Variants in LNPK observed in about 807,000 individuals in gnomAD.
LNPK encodes the protein lunapark, ER junction formation factor, also known as endoplasmic reticulum junction formation protein lunapark.
In LNPK, 29 loss-of-function variants were observed where a neutral mutation model predicts 55.2. The observed-to-expected ratio is 0.53, with a 90% CI of 0.39 to 0.72. The LOEUF is 0.72. LNPK is among the 30% of genes least tolerant of loss of function. The pLI, the probability that LNPK is intolerant of heterozygous loss-of-function variation, is 0.00. For synonymous variants in LNPK, 162 were observed against 168.2 expected, an observed-to-expected ratio of 0.96 and a Z score of 0.29; for missense variants, 467 against 494.8, an observed-to-expected ratio of 0.94 and a Z score of 0.53.
intron 6 of LNPK, among the ~76,000 whole-genome samples, chr2:175,969,024 A>G (rs1191733329): frequency 6.6e-6 from 1 of 152,132 alleles, no homozygotes; most frequent in East Asian, 1.9e-4. Flanking sequence ...ATCTCAAAAA[A>G]AGAAAAAAAA....
At chr2:175,937,277 A>C in intron 12 of LNPK, 67 bp downstream of exon 12, 3 of 1,447,484 alleles carry the variant, frequency 2.1e-6, no homozygotes, top group Non-Finnish European at 1.9e-6. Context: ...ATCTAAAAGC[A>C]TTATGCTTTT....
chr2:175,992,172 T>C (rs1687733427), intron 4 of LNPK, 59 bp downstream of exon 4: 1 of 1,045,318 alleles, frequency 9.6e-7, no homozygotes, highest in Non-Finnish European at 1.4e-6. Context: ...ATATTAGATA[T>C]ACATTAAGAC....
At chr2:175,984,053 G>A (rs1687296700) in intron 4 of LNPK, among the ~76,000 whole-genome samples, 1 of 151,900 alleles carries the variant, frequency 6.6e-6, no homozygotes, top group Non-Finnish European at 1.5e-5. Flanking sequence ...GGGAAAAACT[G>A]ATAACTTGAA....
chr2:175,991,407 C>T (rs1258427157), intron 4 of LNPK, among the ~76,000 whole-genome samples: 1 of 152,184 alleles, frequency 6.6e-6, no homozygotes, highest in Non-Finnish European at 1.5e-5. Flanking sequence ...CACTCAATTT[C>T]AGCTCTTGTA....
intron 5 of LNPK, among the ~76,000 whole-genome samples, chr2:175,973,180 G>A (rs1265790970): frequency 6.6e-6 from 1 of 152,190 alleles, no homozygotes; most frequent in East Asian, 1.9e-4. Context: ...CAAGGCTGTA[G>A]CAAAAGCTAA....
intron 4 of LNPK, among the ~76,000 whole-genome samples, chr2:175,990,275 T>G (rs1377198751): frequency 6.6e-6 from 1 of 152,144 alleles, no homozygotes. Context: ...TTGCCCTCTA[T>G]TAGTTCCTGA....
At chr2:175,940,670 A>G (rs951140665) in intron 9 of LNPK, among the ~76,000 whole-genome samples, 1 of 152,200 alleles carries the variant, frequency 6.6e-6, no homozygotes, top group South Asian at 2.1e-4. Context: ...TATCACTGAT[A>G]AGAAAAATCA....
chr2:175,939,655 G>T lies in LNPK; in HGVS notation c.709C>A (p.Leu237Ile). 1 of 1,477,170 alleles carries T rather than the reference G, an allele frequency of 6.8e-7. No homozygotes were observed. Among genetic ancestry groups the T allele is most frequent in the Non-Finnish European group, 9.3e-7 (1 of 1,073,484 alleles). 91.5% of individuals were successfully genotyped at this position (1,477,170 alleles called of 1,614,324 possible). ...SPATSVPGMG[L>I]HPPGPPLARP... ...GCTAAAGGTGGACCTGGAGGATGAA[G>T]ACCTATTAAATAAATAAATACATAC... Residue 237 changes from leucine to isoleucine, a missense_variant and splice_region_variant, in exon 10 of 13, where the codon CTT (leucine) becomes ATT (isoleucine). Coordinates refer to ENST00000272748, the MANE Select transcript of LNPK (RefSeq NM_030650.3).
Position 175,967,497 on chromosome 2 carries a change from C to T in LNPK, c.358-2908G>A, listed in dbSNP as rs1686428962. 4 of 228,912 alleles carry T rather than the reference C, an allele frequency of 1.7e-5. No homozygotes were observed. The South Asian group carries it at 6.3e-4, about 36-fold the overall frequency. 14.2% of individuals were successfully genotyped at this position (228,912 alleles called of 1,614,324 possible). A position where few individuals can be genotyped will look rare whatever the true frequency, so the allele number is the denominator to read the frequency against. On this transcript the variant is annotated intron_variant, in intron 6 of 12. Transcript: ENST00000272748. ...TCTTGAAACAGAATTTTAAAACGCA[C>T]AAAGCATTAATTTCCCTAACCAATA...
chr2:175,938,055 T>C (rs568439806), intron 11 of LNPK, among the ~76,000 whole-genome samples: 1 of 152,286 alleles, frequency 6.6e-6, no homozygotes, highest in South Asian at 2.1e-4. Flanking sequence ...GTCCTGGGTA[T>C]CATAATTATT....
chr2:175,993,285 T>C, intron 2 of LNPK, 62 bp from the exon 3 acceptor site: 1 of 977,980 alleles, frequency 1.0e-6, no homozygotes, highest in Non-Finnish European at 1.5e-6. Flanking sequence ...TACATTTTGA[T>C]ATAATCATTA....
Position 175,923,978 on chromosome 2 carries a change from G to A in LNPK, c.*5989C>T, listed in dbSNP as rs972328344. 4.6e-5 allele frequency: 7 copies of A among 152,100 alleles called. No homozygotes were observed. Among genetic ancestry groups the A allele is most frequent in the Non-Finnish European group, 8.8e-5 (6 of 67,992 alleles). 9.4% of individuals were successfully genotyped at this position (152,100 alleles called of 1,614,324 possible). The stretch of plus-strand genomic sequence containing the variant: ...ATTTATCTGTCTACATTCAGAGCCT[G>A]AATATATTTACTTATTGACCAGTAG... On this transcript the variant is annotated 3_prime_UTR_variant, in exon 13 of 13. Coordinates refer to ENST00000272748, the MANE Select transcript of LNPK (RefSeq NM_030650.3).
chr2:175,958,915 C>T (rs762393304), intron 8 of LNPK, among the ~76,000 whole-genome samples: 1 of 152,096 alleles, frequency 6.6e-6, no homozygotes, highest in Non-Finnish European at 1.5e-5. Context: ...ACGAGAACTA[C>T]GTGATGCATG....
At chr2:175,947,756 C>A in intron 8 of LNPK, 64 bp from the exon 9 acceptor site, 1 of 1,150,998 alleles carries the variant, frequency 8.7e-7, no homozygotes, top group Non-Finnish European at 1.2e-6. Context: ...GTATCACAAA[C>A]AATTTATATT....
Position 175,926,870 on chromosome 2 carries a change from A to C in LNPK, c.*3097T>G, listed in dbSNP as rs1684030948. 6.6e-6 allele frequency: 1 copy of C among 152,238 alleles called. No individual in the cohort carries two copies. The highest frequency in any genetic ancestry group is 1.5e-5 in the Non-Finnish European group (1 of 68,042). 9.4% of individuals were successfully genotyped at this position (152,238 alleles called of 1,614,324 possible). On this transcript the variant is annotated 3_prime_UTR_variant, in exon 13 of 13. Coordinates refer to ENST00000272748, the MANE Select transcript of LNPK (RefSeq NM_030650.3). ...AACATAAACGGTTTGAATGTTCTGAAGGTTTGAAGCAAAGTATAGTGTTCA... is the reference window on the plus strand; with the variant it reads ...AACATAAACGGTTTGAATGTTCTGACGGTTTGAAGCAAAGTATAGTGTTCA...
intron 4 of LNPK, among the ~76,000 whole-genome samples, chr2:175,986,979 AAAAC>A (rs1289455140): frequency 6.6e-6 from 1 of 152,058 alleles, no homozygotes; most frequent in East Asian, 1.9e-4. Flanking sequence ...AGAAAAAAAA[AAAAC>A]AAACGAAAAA....
chr2:175,986,641 CAATATTT>C (rs1687427937), intron 4 of LNPK, among the ~76,000 whole-genome samples: 1 of 151,792 alleles, frequency 6.6e-6, no homozygotes, highest in Non-Finnish European at 1.5e-5. Flanking sequence ...AAGAATGATT[CAATATTT>C]AATATAATCC....
chr2:175,930,031 G>A lies in LNPK; in HGVS notation c.1223C>T (p.Thr408Ile). Residue 408 changes from threonine (T) to isoleucine (I), a missense_variant, in exon 13 of 13, where the codon ACA becomes ATA. By Grantham distance (89) the Thr-to-Ile change is moderately conservative. Transcript: ENST00000272748. ...AGGAATAGAATCAGCTCCAGGAACT[G>A]TGGAGTTGGTTTCAATCACTGAGGC... ...EEASVIETNSTVPGADSIPDP... is the reference protein window; with the variant it reads ...EEASVIETNSIVPGADSIPDP... 1 of 1,614,006 alleles carries A rather than the reference G, an allele frequency of 6.2e-7. No individual in the cohort carries two copies. Among genetic ancestry groups the A allele is most frequent in the Non-Finnish European group, 8.5e-7 (1 of 1,179,906 alleles).
chr2:175,956,278 CA>C (rs10630601), intron 8 of LNPK, among the ~76,000 whole-genome samples: 639 of 108,500 alleles, frequency 5.9e-3, no homozygotes, highest in African/African-American at 0.012. Context: ...ACCATGTATT[CA>C]AAAAAAAAAA....
Sources: gnomAD v4.1 joint callset for allele counts (sites outside exome capture counted in the v4.1 genomes callset) on GRCh38, gnomAD v4.1.1 for gene constraint, MANE v1.5 for transcripts, NCBI Gene and HGNC (gene_info 2026-07-23, HGNC 2026-07-21) for gene names.